Variants in DNAH5 observed in about 807,000 individuals in gnomAD.
DNAH5 encodes the protein dynein axonemal heavy chain 5.
In DNAH5, 372 loss-of-function variants were observed where a neutral mutation model predicts 518.2. The ratio of observed to expected loss-of-function variants is 0.72; its 90% CI spans 0.66 to 0.78. DNAH5 has a LOEUF of 0.78. DNAH5 is among the 30% of genes least tolerant of loss of function. The pLI, the probability that DNAH5 is intolerant of heterozygous loss-of-function variation, is 0.00. For missense variants in DNAH5, 5,523 were observed against 5,687.0 expected (o/e 0.97, Z 0.93); for synonymous variants, 2,039 against 2,025.9 (o/e 1.01, Z -0.17).
rs1241566945 is a variant in DNAH5, at chr5:13,890,285, T to C, written c.2577+691A>G. Among the ~76,000 whole-genome samples, 3 of 151,782 alleles carry C rather than the reference T, an allele frequency of 2.0e-5. No individual in the cohort carries two copies. The East Asian group carries it at 5.8e-4, about 29-fold the overall frequency. On this transcript the variant is annotated intron_variant, in intron 17 of 78. Transcript: ENST00000265104. The stretch of plus-strand genomic sequence containing the variant: ...AGGCAGGCGTGGCAGCGTGTGCCTG[T>C]AGTCCCAGCTACTCGGGAAGCTGAG...
intron 36 of DNAH5, 46 bp downstream of exon 36, chr5:13,830,551 C>T: frequency 1.9e-6 from 3 of 1,600,748 alleles, no homozygotes; most frequent in Non-Finnish European, 2.6e-6. Context: ...CAAAATATTC[C>T]ACCTTGGCTG....
chr5:13,925,124 T>C (rs958283241), intron 3 of DNAH5, among the ~76,000 whole-genome samples: 6 of 152,134 alleles, frequency 3.9e-5, no homozygotes, highest in South Asian at 2.1e-4. Flanking sequence ...TGAACCCTCA[T>C]TAAAGGTAAC....
chr5:13,960,923 G>A (rs1290680035), intron 1 of DNAH5, among the ~76,000 whole-genome samples: 3 of 152,344 alleles, frequency 2.0e-5, no homozygotes, highest in East Asian at 3.9e-4. Flanking sequence ...CAAGAAGAGA[G>A]AAGAACTGGA....
chr5:13,711,603 G>A (rs1024169020), intron 75 of DNAH5, among the ~76,000 whole-genome samples: 4 of 152,070 alleles, frequency 2.6e-5, no homozygotes, highest in Non-Finnish European at 4.4e-5. Flanking sequence ...CGATATGATC[G>A]CTTGCCTTGA....
intron 65 of DNAH5, among the ~76,000 whole-genome samples, chr5:13,750,289 A>G (rs893843033): frequency 2.0e-5 from 3 of 152,222 alleles, no homozygotes; most frequent in African/African-American, 7.2e-5. Context: ...GAGGAAATCA[A>G]TAGCAATGTT....
chr5:13,718,971 T>C lies in DNAH5; in HGVS notation c.12410A>G (p.Gln4137Arg). ...RLWMTTEAHKQFPITLLQMSI... is the reference protein window; with the variant it reads ...RLWMTTEAHKRFPITLLQMSI... ...CATCTGAAGGAGTGTAATGGGAAAC[T>C]GCTTATGAGCCTCGGTGGTCATCCA... Residue 4137 changes from glutamine to arginine, a missense_variant, in exon 72 of 79, where the codon CAG (glutamine) becomes CGG (arginine). This residue lies in a region of DNAH5 where 5,121 missense variants were observed against 5,223.3 expected (regional missense o/e 0.98). Transcript: ENST00000265104. The C allele has an allele frequency of 1.2e-6, 2 of 1,614,164 alleles. No homozygotes were observed. Among genetic ancestry groups the C allele is most frequent in the South Asian group, 1.1e-5 (1 of 91,088 alleles).
Position 13,780,819 on chromosome 5 carries a change from AG to A in DNAH5, c.8951+9del, listed in dbSNP as rs2126836632. On this transcript the variant is annotated intron_variant, in intron 53 of 78. Coordinates refer to ENST00000265104, the MANE Select transcript of DNAH5 (RefSeq NM_001369.3). ...TCCATGTTAGGTTTGTTAAAGTAAA[AG>A]GTTGTCACCTCGTCAGAGTGATCTG... The A allele has an allele frequency of 3.1e-6, 5 of 1,613,128 alleles. No homozygotes were observed. Among genetic ancestry groups the A allele is most frequent in the Non-Finnish European group, 4.2e-6 (5 of 1,179,346 alleles).
At chr5:13,841,191 A>G (rs1414774217) in intron 33 of DNAH5, 61 bp from the exon 34 acceptor site, 2 of 1,298,562 alleles carry the variant, frequency 1.5e-6, no homozygotes, top group African/African-American at 2.9e-5. Context: ...TTAAATAGAA[A>G]TACAATGTGA....
At chr5:13,721,324 C>T in intron 70 of DNAH5, 79 bp from the exon 71 acceptor site, 1 of 1,571,374 alleles carries the variant, frequency 6.4e-7, no homozygotes, top group Non-Finnish European at 8.7e-7. Context: ...TTCCAAAATT[C>T]ATTTTTGTAA....
chr5:13,962,727 G>A (rs77199751), intron 1 of DNAH5, among the ~76,000 whole-genome samples: 1,701 of 152,260 alleles, frequency 0.011, 21 homozygotes, highest in Non-Finnish European at 0.015. Context: ...GATGGAACGG[G>A]TTCTCCCTAA....
Position 13,944,491 on chromosome 5 carries a change from C to A in DNAH5, c.-53G>T. The A allele has an allele frequency of 6.6e-7, 1 of 1,521,986 alleles. No individual in the cohort carries two copies. Among genetic ancestry groups the A allele is most frequent in the Non-Finnish European group, 9.1e-7 (1 of 1,101,664 alleles). 94.3% of individuals were successfully genotyped at this position (1,521,986 alleles called of 1,614,324 possible). A position where few individuals can be genotyped will look rare whatever the true frequency, so the allele number is the denominator to read the frequency against. Reference sequence around the variant, plus strand: ...CAGCTCTTCCGGAATGGTCTTCTAACTCCTGGCAGACCTGCTCAACATCCA... The same window carrying A: ...CAGCTCTTCCGGAATGGTCTTCTAAATCCTGGCAGACCTGCTCAACATCCA... On this transcript the variant is annotated 5_prime_UTR_variant, in exon 1 of 79. Transcript: ENST00000265104.
intron 13 of DNAH5, 150 bp downstream of exon 13, chr5:13,901,903 G>T: frequency 1.5e-6 from 1 of 645,690 alleles, no homozygotes; most frequent in Non-Finnish European, 2.6e-6. Context: ...TTAATCCTCT[G>T]AAAAACTTAA....
chr5:13,812,387 C>G (rs901018230), intron 43 of DNAH5, among the ~76,000 whole-genome samples: 2 of 152,070 alleles, frequency 1.3e-5, no homozygotes, highest in Non-Finnish European at 2.9e-5. Flanking sequence ...TTCACTACAA[C>G]CTCCACCTCC....
At chr5:13,922,626 C>G (rs1324640781) in intron 4 of DNAH5, among the ~76,000 whole-genome samples, 1 of 150,874 alleles carries the variant, frequency 6.6e-6, no homozygotes, top group Admixed American at 6.6e-5. Flanking sequence ...ACTCAGGAGG[C>G]TGAGGCAGGA....
chr5:13,733,344 A>T (rs57612673), intron 68 of DNAH5, among the ~76,000 whole-genome samples: 2,002 of 152,330 alleles, frequency 0.013, 44 homozygotes, highest in African/African-American at 0.045. Flanking sequence ...CAAGAGCTGG[A>T]CACTCTCTTC....
intron 51 of DNAH5, among the ~76,000 whole-genome samples, chr5:13,787,353 G>T (rs1379978546): frequency 6.6e-6 from 1 of 152,156 alleles, no homozygotes; most frequent in Non-Finnish European, 1.5e-5. Context: ...CGAGAAGAAT[G>T]AGTGGGTCTT....
chr5:13,841,512 T>C (rs1452370018), intron 33 of DNAH5, among the ~76,000 whole-genome samples, 180 bp downstream of exon 33: 1 of 152,210 alleles, frequency 6.6e-6, no homozygotes, highest in East Asian at 1.9e-4. Flanking sequence ...TCTATAGATA[T>C]ATGACCATAT....
At chr5:13,964,600 T>C in intron 1 of DNAH5, among the ~76,000 whole-genome samples, 1 of 152,172 alleles carries the variant, frequency 6.6e-6, no homozygotes, top group South Asian at 2.1e-4. Flanking sequence ...GCAAGTAGCC[T>C]TGACCTTAGA....
At chr5:13,908,314 T>C (rs939146372) in intron 12 of DNAH5, among the ~76,000 whole-genome samples, 25 of 152,334 alleles carry the variant, frequency 1.6e-4, no homozygotes, top group Non-Finnish European at 2.9e-4. Flanking sequence ...TTTCACTACA[T>C]AAAAAATCTC....
Sources: gnomAD v4.1 joint callset for allele counts (sites outside exome capture counted in the v4.1 genomes callset) on GRCh38, gnomAD v4.1.1 for gene constraint, gnomAD v4.1.1 regional missense constraint, MANE v1.5 for transcripts, NCBI Gene and HGNC (gene_info 2026-07-23, HGNC 2026-07-21) for gene names.